TARBP1: variants seen among roughly 807,000 people sequenced by gnomAD.
The protein encoded by TARBP1 is tRNA (guanosine(18)-2'-O)-methyltransferase TARBP1.
A neutral mutation model predicts 178.6 loss-of-function variants in TARBP1; 144 were observed. The ratio of observed to expected loss-of-function variants is 0.81; its 90% CI spans 0.70 to 0.93. The LOEUF (loss-of-function observed/expected upper bound fraction) is 0.93, where lower values mean the gene tolerates loss of function less well. Ranked by LOEUF, TARBP1 falls within the 40% of genes least tolerant of loss-of-function variation. The pLI is 0.00. For synonymous variants in TARBP1, 787 were observed against 781.0 expected (o/e 1.01, Z -0.13); for missense variants, 2,067 against 2,011.7 (o/e 1.03, Z -0.53).
intron 5 of TARBP1, among the ~76,000 whole-genome samples, chr1:234,464,277 A>T (rs773632740): frequency 4.6e-5 from 7 of 152,234 alleles, no homozygotes; most frequent in Non-Finnish European, 7.3e-5. Context: ...TATTGTTCCC[A>T]ACATGTAATC....
chr1:234,471,332 A>G (rs1169546015), intron 2 of TARBP1, 75 bp from the exon 3 acceptor site: 1 of 923,722 alleles, frequency 1.1e-6, no homozygotes, highest in East Asian at 2.5e-5. Flanking sequence ...TCATCTCTTT[A>G]TTTCACAGTA....
intron 1 of TARBP1, among the ~76,000 whole-genome samples, chr1:234,474,194 T>TA (rs905848652): frequency 6.6e-6 from 1 of 151,130 alleles, no homozygotes; most frequent in African/African-American, 2.4e-5. Flanking sequence ...TAGTGAGCTA[T>TA]AATCACGCCA....
intron 12 of TARBP1, among the ~76,000 whole-genome samples, chr1:234,443,066 G>A (rs749157497): frequency 2.6e-5 from 4 of 152,068 alleles, no homozygotes; most frequent in South Asian, 2.1e-4. Context: ...CGAGGCAGGC[G>A]GATCAGCTAA....
intron 12 of TARBP1, among the ~76,000 whole-genome samples, chr1:234,442,211 C>T (rs747711552): frequency 2.6e-5 from 4 of 152,098 alleles, no homozygotes; most frequent in South Asian, 2.1e-4. Flanking sequence ...ACCTACTGCA[C>T]GATCCATAAA....
At chr1:234,455,047 A>C (rs565712874) in intron 9 of TARBP1, among the ~76,000 whole-genome samples, 1 of 152,346 alleles carries the variant, frequency 6.6e-6, no homozygotes, top group African/African-American at 2.4e-5. Context: ...AAGGACCATG[A>C]GCCGAGAAAT....
At chr1:234,453,743 T>A (rs1667020143) in intron 9 of TARBP1, among the ~76,000 whole-genome samples, 1 of 152,166 alleles carries the variant, frequency 6.6e-6, no homozygotes, top group Non-Finnish European at 1.5e-5. Flanking sequence ...TACATGTAAG[T>A]GCTTTCAAAC....
At chr1:234,416,118 C>T (rs1662390059) in intron 22 of TARBP1, among the ~76,000 whole-genome samples, 1 of 152,214 alleles carries the variant, frequency 6.6e-6, no homozygotes, top group African/African-American at 2.4e-5. Flanking sequence ...TGGGGGTACA[C>T]CAGAACCAAC....
intron 3 of TARBP1, among the ~76,000 whole-genome samples, chr1:234,469,077 T>TTTTTA (rs1413764322): frequency 3.8e-4 from 24 of 63,768 alleles, no homozygotes; most frequent in Admixed American, 5.9e-4. Context: ...TTTTTTTTTT[T>TTTTTA]AAAAAAAAAA....
At chr1:234,429,726 C>G (rs778057461) in intron 15 of TARBP1, 49 bp from the exon 16 acceptor site, 1 of 1,535,862 alleles carries the variant, frequency 6.5e-7, no homozygotes, top group African/African-American at 1.4e-5. Context: ...AATTTGCCTC[C>G]ACGTCTTTTG....
Position 234,429,617 on chromosome 1 carries a change from A to G in TARBP1, c.2670T>C (p.His890=). ...GWGKIVAQYI[H]DQWVCLSFLL... is the part of the protein sequence containing the mutation. The stretch of plus-strand genomic sequence containing the variant: ...GGAAAGAGAGGCACACCCATTGATC[A>G]TGAATATATTGTGCAACTATTTTTC... Residue 890 remains histidine, a synonymous_variant, in exon 16 of 30, where the codon CAT becomes CAC. Transcript: ENST00000040877. 1 of 1,613,558 alleles carries G rather than the reference A, an allele frequency of 6.2e-7. No homozygotes were observed. Among genetic ancestry groups the G allele is most frequent in the South Asian group, 1.1e-5 (1 of 90,884 alleles).
intron 12 of TARBP1, among the ~76,000 whole-genome samples, 179 bp downstream of exon 12, chr1:234,446,624 A>AT (rs1157410386): frequency 1.1e-5 from 1 of 88,460 alleles, no homozygotes; most frequent in East Asian, 3.5e-4. Context: ...CTCAATAAAT[A>AT]TTTTTCTTAA....
intron 1 of TARBP1, among the ~76,000 whole-genome samples, chr1:234,474,920 C>T (rs996159746): frequency 6.6e-6 from 1 of 152,098 alleles, no homozygotes; most frequent in African/African-American, 2.4e-5. Context: ...CACAATGCAA[C>T]CTGAATTCTA....
rs1558193608 is a variant in TARBP1, at chr1:234,429,645, C to T, written c.2642G>A (p.Trp881Ter). ...AATATATTGTGCAACTATTTTTCCC[C>T]ATCCTTGGGAAGATGACGATTCTTC... ...VLEESSSSQG[W>*]GKIVAQYIHD... The change falls in exon 16 of 30, where the codon TGG becomes TAG. Residue 881 changes from tryptophan (W) to a stop codon, truncating the protein, a stop_gained. Coordinates refer to ENST00000040877, the MANE Select transcript of TARBP1 (RefSeq NM_005646.4). LOFTEE classifies it high-confidence loss of function. 6.2e-7 allele frequency: 1 copy of T among 1,609,258 alleles called. No homozygotes were observed. The highest frequency in any genetic ancestry group is 8.5e-7 in the Non-Finnish European group (1 of 1,178,126).
intron 10 of TARBP1, among the ~76,000 whole-genome samples, chr1:234,449,234 C>T (rs915312008): frequency 3.5e-4 from 54 of 152,176 alleles, no homozygotes; most frequent in African/African-American, 1.3e-3. Flanking sequence ...GGACCTTTGT[C>T]TCTGCCCTAA....
At chr1:234,447,076 T>C (rs1215831627) in intron 11 of TARBP1, 101 bp from the exon 12 acceptor site, 1 of 1,224,094 alleles carries the variant, frequency 8.2e-7, no homozygotes, top group African/African-American at 1.5e-5. Flanking sequence ...ATGGATCCAA[T>C]TAGACAAAGT....
intron 10 of TARBP1, among the ~76,000 whole-genome samples, chr1:234,449,879 G>A (rs1195796499): frequency 6.6e-6 from 1 of 152,190 alleles, no homozygotes; most frequent in East Asian, 1.9e-4. Flanking sequence ...TGTTAAGAGT[G>A]CTTCTCTAAT....
At chr1:234,472,931 GC>G in intron 1 of TARBP1, 120 bp from the exon 2 acceptor site, 3 of 779,712 alleles carry the variant, frequency 3.8e-6, no homozygotes, top group Non-Finnish European at 6.5e-6. Flanking sequence ...TAATGGAGGT[GC>G]CCCTGTATCA....
At chr1:234,419,613 C>T (rs1662860636) in intron 21 of TARBP1, among the ~76,000 whole-genome samples, 1 of 152,152 alleles carries the variant, frequency 6.6e-6, no homozygotes, top group African/African-American at 2.4e-5. Flanking sequence ...CCAACATTAC[C>T]CTTCTCTCTA....
rs765402286 is a variant in TARBP1, at chr1:234,478,176, T to G, written c.928A>C (p.Asn310His). ...TGGGGGGCAAAGAGGCAGGTACCGTTTCCTTCCTGGGGCCCGCAGGTGCAG... is the reference window on the plus strand; with the variant it reads ...TGGGGGGCAAAGAGGCAGGTACCGTGTCCTTCCTGGGGCCCGCAGGTGCAG... ...ADCTCGPQEG[N>H]GPSLFWWSER... Residue 310 changes from asparagine (N) to histidine (H), a missense_variant, in exon 1 of 30, where the codon AAC becomes CAC. Coordinates refer to ENST00000040877, the MANE Select transcript of TARBP1 (RefSeq NM_005646.4). 6 of 1,611,434 alleles carry G rather than the reference T, an allele frequency of 3.7e-6. No individual in the cohort carries two copies. The African/African-American group carries it at 8.0e-5, about 22-fold the overall frequency.
Sources: gnomAD v4.1 joint callset for allele counts (sites outside exome capture counted in the v4.1 genomes callset) on GRCh38, gnomAD v4.1.1 for gene constraint, MANE v1.5 for transcripts, NCBI Gene and HGNC (gene_info 2026-07-23, HGNC 2026-07-21) for gene names.